SHROOM3: variants seen among roughly 807,000 people sequenced by gnomAD.
SHROOM3 encodes the protein protein Shroom3.
SHROOM3 carries 47 observed loss-of-function variants against 138.6 expected under a neutral mutation model. The ratio of observed to expected loss-of-function variants is 0.34; its 90% CI spans 0.27 to 0.43. SHROOM3 has a LOEUF of 0.43. Among genes scored for constraint, SHROOM3 ranks in the 20% least tolerant of loss-of-function variants. SHROOM3 has a pLI of 1.00. For synonymous variants in SHROOM3, 1,062 were observed against 1,063.3 expected (o/e 1.00, Z 0.02); for missense variants, 2,491 against 2,596.5 (o/e 0.96, Z 0.88).
chr4:76,470,901 G>A (rs1402154543), intron 1 of SHROOM3, among the ~76,000 whole-genome samples: 1 of 152,182 alleles, frequency 6.6e-6, no homozygotes, highest in East Asian at 1.9e-4. Context: ...TCAGGTGACA[G>A]CTGTCAGTAA....
Position 76,603,215 on chromosome 4 carries a change from G to C in SHROOM3, c.323+47452G>C, listed in dbSNP as rs1000532440. 3.3e-5 allele frequency among the ~76,000 whole-genome samples: 5 copies of C among 152,088 alleles called. No individual in the cohort carries two copies. The East Asian group carries it at 9.7e-4, about 29-fold the overall frequency. On this transcript the variant is annotated intron_variant, in intron 2 of 10. Coordinates refer to ENST00000296043, the MANE Select transcript of SHROOM3 (RefSeq NM_020859.4). ...GAACGGATCATGAAGTCAGGAGATC[G>C]AAACCATCCTGGCTAACACGGTGAA...
At chr4:76,744,444 G>A (rs540254534) in intron 5 of SHROOM3, among the ~76,000 whole-genome samples, 1 of 152,334 alleles carries the variant, frequency 6.6e-6, no homozygotes, top group South Asian at 2.1e-4. Context: ...ACAGCAGCCA[G>A]ACCTTAGCTG....
intron 1 of SHROOM3, among the ~76,000 whole-genome samples, chr4:76,511,000 G>A (rs1329531007): frequency 6.6e-6 from 1 of 152,008 alleles, no homozygotes. Flanking sequence ...GGCCAACATG[G>A]TGAAACCCCG....
chr4:76,671,903 A>G (rs1489469311), intron 2 of SHROOM3, among the ~76,000 whole-genome samples: 3 of 152,194 alleles, frequency 2.0e-5, no homozygotes, highest in Non-Finnish European at 2.9e-5. Context: ...TTATCCAAAA[A>G]TCCAAAATCC....
chr4:76,608,640 GC>G (rs1269732141), intron 2 of SHROOM3, among the ~76,000 whole-genome samples: 5 of 16,894 alleles, frequency 3.0e-4, no homozygotes, highest in African/African-American at 4.4e-4. Context: ...GCATAGCATA[GC>G]ATAGCATAGC....
intron 2 of SHROOM3, among the ~76,000 whole-genome samples, chr4:76,643,246 T>G (rs1260396027): frequency 1.3e-5 from 2 of 151,082 alleles, no homozygotes; most frequent in Non-Finnish European, 2.9e-5. Flanking sequence ...ATGGCTAAAC[T>G]CTTTATTAGG....
chr4:76,465,635 A>G (rs962299671), intron 1 of SHROOM3, among the ~76,000 whole-genome samples: 7 of 152,012 alleles, frequency 4.6e-5, no homozygotes, highest in African/African-American at 1.2e-4. Context: ...TATTTCTGAT[A>G]CCTCACTTGT....
intron 4 of SHROOM3, among the ~76,000 whole-genome samples, chr4:76,733,486 G>T (rs1215667964): frequency 6.6e-6 from 1 of 152,036 alleles, no homozygotes. Flanking sequence ...TTACAGGCGT[G>T]TGCATTCTCT....
At chr4:76,748,960 G>C (rs2110140038) in intron 5 of SHROOM3, 57 bp from the exon 6 acceptor site, 2 of 1,554,084 alleles carry the variant, frequency 1.3e-6, no homozygotes, top group East Asian at 4.5e-5. Context: ...CCACCCTCTT[G>C]GTAAATTTAA....
intron 5 of SHROOM3, 137 bp from the exon 6 acceptor site, chr4:76,748,880 T>A: frequency 1.4e-6 from 1 of 735,582 alleles, no homozygotes; most frequent in Non-Finnish European, 2.5e-6. Context: ...TGGGATTATG[T>A]AAGAGTGCCA....
At chr4:76,463,987 G>A (rs558525623) in intron 1 of SHROOM3, among the ~76,000 whole-genome samples, 8 of 152,312 alleles carry the variant, frequency 5.3e-5, no homozygotes, top group African/African-American at 1.9e-4. Flanking sequence ...AGGGAAATGC[G>A]GCATCAGAGT....
Position 76,755,103 on chromosome 4 carries a change from G to A in SHROOM3, c.4620G>A (p.Val1540=), listed in dbSNP as rs1406006375. Residue 1540 remains valine, a synonymous_variant, in exon 7 of 11, where the codon GTG becomes GTA. Transcript: ENST00000296043. ...CTCCACCGAGTCAGGAAACCCCGGT[G>A]TATAGCATGGATGACTTCCCTCCAC... ...PPPPPSQETP[V]YSMDDFPPPP... The A allele has an allele frequency of 6.2e-7, 1 of 1,604,368 alleles. No homozygotes were observed. Among genetic ancestry groups the A allele is most frequent in the African/African-American group, 1.3e-5 (1 of 74,186 alleles).
intron 6 of SHROOM3, among the ~76,000 whole-genome samples, chr4:76,753,153 G>A (rs1171735992): frequency 6.6e-6 from 1 of 152,140 alleles, no homozygotes; most frequent in Non-Finnish European, 1.5e-5. Context: ...AGAGGTTCCT[G>A]GTAAAGAAAC....
chr4:76,650,701 C>T (rs868767167), intron 2 of SHROOM3, among the ~76,000 whole-genome samples: 10 of 152,144 alleles, frequency 6.6e-5, no homozygotes, highest in Non-Finnish European at 1.0e-4. Flanking sequence ...TATGCCACCA[C>T]GCCCAGCTAA....
At chr4:76,686,138 T>C (rs1237968566) in intron 2 of SHROOM3, among the ~76,000 whole-genome samples, 1 of 151,962 alleles carries the variant, frequency 6.6e-6, no homozygotes, top group East Asian at 1.9e-4. Flanking sequence ...CTCCCTATTA[T>C]TAGTAGCTAG....
intron 4 of SHROOM3, among the ~76,000 whole-genome samples, chr4:76,732,190 C>G (rs1560604952): frequency 6.6e-6 from 1 of 152,096 alleles, no homozygotes; most frequent in Non-Finnish European, 1.5e-5. Context: ...GCTAATGTAG[C>G]GAGGTCAGGA....
chr4:76,742,193 T>A (rs1721286531), intron 5 of SHROOM3: 2 of 523,986 alleles, frequency 3.8e-6, no homozygotes, highest in Non-Finnish European at 6.8e-6. Flanking sequence ...AGTCACCACC[T>A]CTCAATGGAA....
chr4:76,551,944 C>T (rs1733364741), intron 1 of SHROOM3, among the ~76,000 whole-genome samples: 1 of 150,842 alleles, frequency 6.6e-6, no homozygotes, highest in Non-Finnish European at 1.5e-5. Flanking sequence ...TCACTGCAAG[C>T]TCTGCCTCCT....
chr4:76,640,361 G>T (rs898512992), intron 2 of SHROOM3, among the ~76,000 whole-genome samples: 8 of 152,258 alleles, frequency 5.3e-5, no homozygotes, highest in Non-Finnish European at 7.4e-5. Context: ...ATGCTCTCCC[G>T]CGTCAGAAGT....
Sources: allele counts gnomAD v4.1 joint callset (sites outside exome capture counted in the v4.1 genomes callset), GRCh38; gene constraint gnomAD v4.1.1; transcripts MANE v1.5; gene names NCBI Gene and HGNC (gene_info 2026-07-23, HGNC 2026-07-21).